The following EFCAB3 variants were observed in gnomAD, a reference collection of about 807,000 sequenced individuals.
EFCAB3 encodes EF-hand calcium-binding domain-containing protein 3.
EFCAB3 carries 36 observed loss-of-function variants against 42.2 expected under a neutral mutation model. The ratio of observed to expected loss-of-function variants is 0.85; its 90% CI spans 0.65 to 1.13. The LOEUF is 1.13. Among genes scored for constraint, EFCAB3 ranks in the 50% most tolerant of loss-of-function variants. EFCAB3 has a pLI of 0.00. For missense variants in EFCAB3, 418 were observed against 505.1 expected (o/e 0.83, Z 1.65); for synonymous variants, 170 against 172.8 (o/e 0.98, Z 0.13).
intron 9 of EFCAB3, among the ~76,000 whole-genome samples, chr17:62,414,934 T>C (rs1014039633): frequency 6.6e-6 from 1 of 151,802 alleles, no homozygotes; most frequent in African/African-American, 2.4e-5. Context: ...TGAAACCCCG[T>C]CTCTACTAAA....
chr17:62,405,523 G>C (rs2070440191), intron 6 of EFCAB3, among the ~76,000 whole-genome samples: 1 of 152,196 alleles, frequency 6.6e-6, no homozygotes, highest in South Asian at 2.1e-4. Flanking sequence ...CCAGAACACT[G>C]AGATGTGAGA....
intron 3 of EFCAB3, among the ~76,000 whole-genome samples, chr17:62,390,605 C>T (rs2070295005): frequency 6.6e-6 from 1 of 152,160 alleles, no homozygotes; most frequent in African/African-American, 2.4e-5. Flanking sequence ...GGAGCAATAC[C>T]TGGTCCATGG....
intron 6 of EFCAB3, among the ~76,000 whole-genome samples, chr17:62,401,000 T>C (rs1248834875): frequency 6.6e-6 from 1 of 152,240 alleles, no homozygotes; most frequent in African/African-American, 2.4e-5. Context: ...TGAGATGGTA[T>C]CTCATTGTGG....
intron 6 of EFCAB3, among the ~76,000 whole-genome samples, chr17:62,400,233 T>A (rs898688145): frequency 2.5e-4 from 38 of 152,168 alleles, no homozygotes; most frequent in Admixed American, 8.5e-4. Flanking sequence ...TTTTTTTTCT[T>A]ATTTTTTTAT....
At chr17:62,401,193 T>C (rs546609729) in intron 6 of EFCAB3, among the ~76,000 whole-genome samples, 1 of 152,346 alleles carries the variant, frequency 6.6e-6, no homozygotes, top group East Asian at 1.9e-4. Flanking sequence ...TATTAGCCCT[T>C]TGTCAGATGG....
In EFCAB3 at chr17:62,392,567, C is replaced by T. The variant is rs528746246; in HGVS notation, c.295+602C>T. On this transcript the variant is annotated intron_variant, in intron 4 of 9. Coordinates refer to ENST00000305286, the MANE Select transcript of EFCAB3 (RefSeq NM_173503.4). ...AAAACAGAACAAATCTTTCTTTTTC[C>T]ATCAAGTCCCACCTATATTGAATTT... Among the ~76,000 whole-genome samples the T allele has an allele frequency of 1.2e-4, 18 of 152,124 alleles. No homozygotes were observed. The East Asian group carries it at 1.9e-3, about 16-fold the overall frequency.
At chr17:62,400,439 T>C (rs1280674905) in intron 6 of EFCAB3, among the ~76,000 whole-genome samples, 1 of 152,198 alleles carries the variant, frequency 6.6e-6, no homozygotes, top group Non-Finnish European at 1.5e-5. Flanking sequence ...CCAAGTGTTC[T>C]CATTGTTCAA....
At chr17:62,412,463 G>A (rs1296496664) in intron 8 of EFCAB3, among the ~76,000 whole-genome samples, 1 of 150,694 alleles carries the variant, frequency 6.6e-6, no homozygotes, top group Non-Finnish European at 1.5e-5. Flanking sequence ...TTCCCCAAGG[G>A]TTTTTTGTTG....
At chr17:62,412,361 C>CAAAAAA (rs1237628464) in intron 8 of EFCAB3, among the ~76,000 whole-genome samples, 1 of 65,958 alleles carries the variant, frequency 1.5e-5, no homozygotes, top group African/African-American at 4.9e-5. Context: ...GACTCTGTCT[C>CAAAAAA]AAAAAAAAAA....
intron 3 of EFCAB3, among the ~76,000 whole-genome samples, chr17:62,389,064 G>A (rs757716706): frequency 6.6e-6 from 1 of 152,224 alleles, no homozygotes; most frequent in Non-Finnish European, 1.5e-5. Context: ...AAGCACCAGG[G>A]TCAGTCAGGA....
chr17:62,381,886 T>C (rs1598006434), intron 1 of EFCAB3: 1 of 413,372 alleles, frequency 2.4e-6, no homozygotes, highest in Non-Finnish European at 4.9e-6. Flanking sequence ...GCTGTGGCTG[T>C]CTCTGCTGCC....
At chr17:62,382,916 G>C (rs779003096) in intron 1 of EFCAB3, 47 bp from the exon 2 acceptor site, 1 of 1,536,796 alleles carries the variant, frequency 6.5e-7, no homozygotes, top group Non-Finnish European at 8.9e-7. Flanking sequence ...AGAATATAAA[G>C]AATGAATCTG....
upstream of EFCAB3, chr17:62,380,487 T>A (rs2070187171): frequency 6.7e-6 from 6 of 889,434 alleles, no homozygotes; most frequent in South Asian, 3.1e-4. Flanking sequence ...AGCTCCTGGG[T>A]CATTCTCTCC....
intron 8 of EFCAB3, among the ~76,000 whole-genome samples, chr17:62,413,031 A>G (rs2070513130): frequency 6.6e-6 from 1 of 152,194 alleles, no homozygotes; most frequent in Non-Finnish European, 1.5e-5. Flanking sequence ...GTCAGAGAGA[A>G]AGAAAAAGAA....
rs2070134943 is a variant in EFCAB3 at position 62,374,372 on chromosome 17, A to T, written c.88+505A>T. Among the ~76,000 whole-genome samples, 3 of 152,258 alleles carry T rather than the reference A, an allele frequency of 2.0e-5. No homozygotes were observed. The South Asian group carries it at 6.2e-4, about 32-fold the overall frequency. On this transcript the variant is annotated intron_variant, in intron 2 of 11. Coordinates refer to the EFCAB3 transcript ENST00000450662. ...GCTACTCGGGAGGCTGAGGCAGGAG[A>T]ATCGCTTGAACCTGGAAGGCGGAGG...
At chr17:62,393,447 C>T in intron 4 of EFCAB3, 126 bp from the exon 5 acceptor site, 1 of 726,796 alleles carries the variant, frequency 1.4e-6, no homozygotes, top group Non-Finnish European at 2.2e-6. Context: ...GAGCATATTT[C>T]CAGCCCTCAA....
At chr17:62,371,296 C>G (rs753385140) in intron 1 of EFCAB3, among the ~76,000 whole-genome samples, 1 of 151,736 alleles carries the variant, frequency 6.6e-6, no homozygotes, top group Non-Finnish European at 1.5e-5. Context: ...GGCTCACACC[C>G]GTAATCCCAA....
At chr17:62,377,985 C>T, upstream of EFCAB3, 1 of 1,549,534 alleles carries the variant, frequency 6.5e-7, no homozygotes, top group African/African-American at 1.4e-5. Flanking sequence ...AATGGTGACT[C>T]TGCATAAGTT....
At position 62,396,766 on chromosome 17, in the gene EFCAB3, C is replaced by T. The variant is rs1028217985; in HGVS notation, c.488+1578C>T. On this transcript the variant is annotated intron_variant, in intron 6 of 9. Coordinates refer to ENST00000305286, the MANE Select transcript of EFCAB3 (RefSeq NM_173503.4). ...AATTAACTAGGCATGGTGGCGAATA[C>T]CTGTAGTCCAAGCTATTCAAGAAGC... 1.2e-4 allele frequency among the ~76,000 whole-genome samples: 18 copies of T among 151,882 alleles called. No individual in the cohort carries two copies. The East Asian group carries it at 3.3e-3, about 28-fold the overall frequency.
Sources: allele counts gnomAD v4.1 joint callset (sites outside exome capture counted in the v4.1 genomes callset), GRCh38; gene constraint gnomAD v4.1.1; transcripts MANE v1.5; gene names NCBI Gene and HGNC (gene_info 2026-07-23, HGNC 2026-07-21).